Variants in AGAP1 observed in about 807,000 individuals in gnomAD.
AGAP1 encodes ArfGAP with GTPase domain, ankyrin repeat and PH domain 1.
In AGAP1, 29 loss-of-function variants were observed where a neutral mutation model predicts 105.3. The observed-to-expected ratio is 0.28, with a 90% CI of 0.21 to 0.38. AGAP1 has a LOEUF of 0.38. Ranked by LOEUF, AGAP1 falls within the 10% of genes least tolerant of loss-of-function variation. AGAP1 has a pLI of 1.00. For missense variants in AGAP1, 998 were observed against 1,165.1 expected, an observed-to-expected ratio of 0.86 and a Z score of 2.09; for synonymous variants, 509 against 485.9, an observed-to-expected ratio of 1.05 and a Z score of -0.63.
rs2054151289 is a variant in AGAP1, at chr2:235,960,828, C to G, written c.1484-7634C>G. On this transcript the variant is annotated intron_variant, in intron 12 of 17. Transcript: ENST00000304032. This position sits in a 1 kb window ranked among gnomAD's most constrained non-coding sequence, Gnocchi z 4.9. ...TGTGTCAATAGACTTCACTCATGGA[C>G]TCAGTCGTTCGCCTAAAAATAGATT... is the stretch of plus-strand genomic sequence containing the variant. Among the ~76,000 whole-genome samples, 1 of 152,204 alleles carries G rather than the reference C, an allele frequency of 6.6e-6. No individual in the cohort carries two copies. Among genetic ancestry groups the G allele is most frequent in the Non-Finnish European group, 1.5e-5 (1 of 68,046 alleles).
intron 11 of AGAP1, among the ~76,000 whole-genome samples, chr2:235,921,383 T>C (rs2052175462): frequency 6.6e-6 from 1 of 152,248 alleles, no homozygotes; most frequent in African/African-American, 2.4e-5. Flanking sequence ...AATAAAAAAT[T>C]GATCTGTTAG....
In AGAP1 at chr2:235,556,542, A is replaced by C. The variant is rs1574840040; in HGVS notation, c.163+61693A>C. Reference sequence around the variant, plus strand: ...AACCGTTTACCTGTTTTCTGCTCTGACCAGGCACCTTGGGGGAGGGAAGGC... The same window carrying C: ...AACCGTTTACCTGTTTTCTGCTCTGCCCAGGCACCTTGGGGGAGGGAAGGC... On this transcript the variant is annotated intron_variant, in intron 1 of 17. Transcript: ENST00000304032. The surrounding 1 kb of genome is among the most constrained non-coding windows in gnomAD (Gnocchi z 5.3). Among the ~76,000 whole-genome samples, 1 of 152,264 alleles carries C rather than the reference A, an allele frequency of 6.6e-6. No individual in the cohort carries two copies.
intron 3 of AGAP1, among the ~76,000 whole-genome samples, chr2:235,738,003 C>T (rs890252948): frequency 3.3e-5 from 5 of 152,012 alleles, no homozygotes; most frequent in Admixed American, 1.3e-4. Context: ...CTGTAGGGCA[C>T]TCAGCGTCCG....
At chr2:235,838,050 G>A (rs1476023598) in intron 9 of AGAP1, among the ~76,000 whole-genome samples, 3 of 152,258 alleles carry the variant, frequency 2.0e-5, no homozygotes, top group African/African-American at 4.8e-5. Flanking sequence ...GCTGGGCGTC[G>A]TGGTGTGCAC....
intron 16 of AGAP1, among the ~76,000 whole-genome samples, chr2:236,075,669 G>C (rs1249638594): frequency 6.6e-6 from 1 of 152,074 alleles, no homozygotes; most frequent in African/African-American, 2.4e-5. Flanking sequence ...TTTCTCCTCC[G>C]CTGCTTTGAG....
rs1311374939 is a variant in AGAP1, at chr2:235,600,419, C to A, written c.163+105570C>A. On this transcript the variant is annotated intron_variant, in intron 1 of 17. Coordinates refer to ENST00000304032, the MANE Select transcript of AGAP1 (RefSeq NM_001037131.3). This position sits in a 1 kb window ranked among gnomAD's most constrained non-coding sequence, Gnocchi z 4.8. Reference sequence around the variant, plus strand: ...ACCCACCCTCTGCCCTATAGACCCCCATACTCCTGTAGATACCCCCTCATT... The same window carrying A: ...ACCCACCCTCTGCCCTATAGACCCCAATACTCCTGTAGATACCCCCTCATT... 6.6e-6 allele frequency among the ~76,000 whole-genome samples: 1 copy of A among 152,198 alleles called. No individual in the cohort carries two copies. The highest frequency in any genetic ancestry group is 6.5e-5 in the Admixed American group (1 of 15,282).
chr2:235,494,890 C>T (rs1559199748), intron 1 of AGAP1, 41 bp downstream of exon 1: 1 of 1,530,158 alleles, frequency 6.5e-7, no homozygotes, highest in Non-Finnish European at 8.8e-7. Flanking sequence ...AAGGCACGGA[C>T]GCCCGCGGCG....
In AGAP1 at chr2:236,080,299, A is replaced by G. The variant is rs2058748210; in HGVS notation, c.2114+31018A>G. Among the ~76,000 whole-genome samples, 1 of 152,246 alleles carries G rather than the reference A, an allele frequency of 6.6e-6. No homozygotes were observed. The highest frequency in any genetic ancestry group is 2.4e-5 in the African/African-American group (1 of 41,468). On this transcript the variant is annotated intron_variant, in intron 16 of 17. Coordinates refer to ENST00000304032, the MANE Select transcript of AGAP1 (RefSeq NM_001037131.3). The surrounding 1 kb of genome is among the most constrained non-coding windows in gnomAD (Gnocchi z 4.2). ...GGAGAGAGAAGAATTGTTACCCGGCAAAGATCAGACTGCCTCCTCCACCAA... is the reference window on the plus strand; with the variant it reads ...GGAGAGAGAAGAATTGTTACCCGGCGAAGATCAGACTGCCTCCTCCACCAA...
intron 1 of AGAP1, chr2:235,671,060 G>T (rs962272811): frequency 2.9e-5 from 37 of 1,267,446 alleles, no homozygotes; most frequent in Non-Finnish European, 3.2e-5. Flanking sequence ...GCGCAGAGGT[G>T]GGCAGCGTGG....
rs1262177408 is a variant in AGAP1 at position 236,036,518 on chromosome 2, T to C, written c.1646-43T>C. The C allele has an allele frequency of 6.2e-7, 1 of 1,605,228 alleles. No homozygotes were observed. Among genetic ancestry groups the C allele is most frequent in the Admixed American group, 1.7e-5 (1 of 59,366 alleles). On this transcript the variant is annotated intron_variant, in intron 13 of 17. Coordinates refer to ENST00000304032, the MANE Select transcript of AGAP1 (RefSeq NM_001037131.3). The surrounding 1 kb of genome is among the most constrained non-coding windows in gnomAD (Gnocchi z 5.7). ...CAGAGGGCCCGCAGGGGGACTGCTG[T>C]CTCATAAAAGCTAAACTCTTCATCC...
intron 6 of AGAP1, among the ~76,000 whole-genome samples, chr2:235,790,319 G>A (rs574114376): frequency 2.1e-4 from 32 of 152,146 alleles, no homozygotes; most frequent in Non-Finnish European, 4.4e-4. Flanking sequence ...TCTGTGTGCT[G>A]CCAAAATACT....
At chr2:235,735,774 G>A (rs1952212210) in intron 3 of AGAP1, among the ~76,000 whole-genome samples, 1 of 152,058 alleles carries the variant, frequency 6.6e-6, no homozygotes, top group Admixed American at 6.5e-5. Context: ...GCAAACTAAG[G>A]CACCCAGCGC....
At chr2:235,530,802 T>TCA (rs1943019045) in intron 1 of AGAP1, among the ~76,000 whole-genome samples, 1 of 152,224 alleles carries the variant, frequency 6.6e-6, no homozygotes, top group Non-Finnish European at 1.5e-5. Flanking sequence ...TCATGTAAAG[T>TCA]CACAGTTGCA....
At position 236,087,659 on chromosome 2, in the gene AGAP1, T is replaced by C. The variant is rs577508180; in HGVS notation, c.2115-32533T>C. Among the ~76,000 whole-genome samples the C allele has an allele frequency of 6.6e-6, 1 of 151,958 alleles. No individual in the cohort carries two copies. The highest frequency in any genetic ancestry group is 6.6e-5 in the Admixed American group (1 of 15,132). On this transcript the variant is annotated intron_variant, in intron 16 of 17. Transcript: ENST00000304032. This position sits in a 1 kb window ranked among gnomAD's most constrained non-coding sequence, Gnocchi z 5.7. ...TGGTGTTTTAAAGCTTTTCTCTGTT[T>C]CCATGTGGTGCCGTGAATAGTCTCA...
At chr2:235,641,656 A>G (rs1300701276) in intron 1 of AGAP1, among the ~76,000 whole-genome samples, 1 of 152,156 alleles carries the variant, frequency 6.6e-6, no homozygotes, top group Non-Finnish European at 1.5e-5. Flanking sequence ...ACATACGTTC[A>G]GTGGCATTAT....
rs2125370926 is a variant in AGAP1 at position 235,973,367 on chromosome 2, TG to T, written c.1645+4745del. ...GTGACTGGAGAATCCCTTATCTTTTTGTGTATATTTTGGGTTCTGAGGATTA... is the reference window on the plus strand; with the variant it reads ...GTGACTGGAGAATCCCTTATCTTTTTTGTATATTTTGGGTTCTGAGGATTA... On this transcript the variant is annotated intron_variant, in intron 13 of 17. Transcript: ENST00000304032. The surrounding 1 kb of genome is among the most constrained non-coding windows in gnomAD (Gnocchi z 4.7). Among the ~76,000 whole-genome samples the T allele has an allele frequency of 6.6e-6, 1 of 152,274 alleles. No homozygotes were observed. The highest frequency in any genetic ancestry group is 2.4e-5 in the African/African-American group (1 of 41,554).
In AGAP1 at chr2:235,744,964, G is replaced by A; in HGVS notation, c.538+125G>A. The A allele has an allele frequency of 8.9e-7, 1 of 1,122,994 alleles. No individual in the cohort carries two copies. The highest frequency in any genetic ancestry group is 2.6e-5 in the East Asian group (1 of 38,650). 69.6% of individuals were successfully genotyped at this position (1,122,994 alleles called of 1,614,324 possible). ...GCCTACTGAACGCTCACTTTTTTGG[G>A]AAAAATTATGGAACTGAAATGATCA... is the stretch of plus-strand genomic sequence containing the variant. On this transcript the variant is annotated intron_variant, in intron 5 of 17. Coordinates refer to ENST00000304032, the MANE Select transcript of AGAP1 (RefSeq NM_001037131.3). The surrounding 1 kb of genome is among the most constrained non-coding windows in gnomAD (Gnocchi z 5.2).
intron 13 of AGAP1, among the ~76,000 whole-genome samples, chr2:236,013,473 C>T (rs1414534512): frequency 6.6e-6 from 1 of 152,178 alleles, no homozygotes; most frequent in African/African-American, 2.4e-5. Context: ...GTCAGGAACA[C>T]GTTGGGGTTG....
chr2:235,717,161 C>G (rs985569248), intron 2 of AGAP1, among the ~76,000 whole-genome samples: 7 of 152,192 alleles, frequency 4.6e-5, no homozygotes, highest in African/African-American at 4.8e-5. Flanking sequence ...GCCACTCTCC[C>G]CACGTCACTC....
Sources: gnomAD v4.1 joint callset for allele counts (sites outside exome capture counted in the v4.1 genomes callset) on GRCh38, gnomAD v4.1.1 for gene constraint, Gnocchi (gnomAD v3.1) non-coding constraint, MANE v1.5 for transcripts, NCBI Gene and HGNC (gene_info 2026-07-23, HGNC 2026-07-21) for gene names.